The following PPARA variants were observed in gnomAD, a reference collection of about 807,000 sequenced individuals.
PPARA encodes peroxisome proliferator activated receptor alpha.
PPARA carries 22 observed loss-of-function variants against 42.2 expected under a neutral mutation model. The ratio of observed to expected loss-of-function variants is 0.52; its 90% CI spans 0.37 to 0.74. The LOEUF (loss-of-function observed/expected upper bound fraction) is 0.74, where lower values mean the gene tolerates loss of function less well. PPARA is among the 30% of genes least tolerant of loss of function. The pLI is 0.00. For synonymous variants in PPARA, 242 were observed against 239.3 expected (o/e 1.01, Z -0.10); for missense variants, 465 against 608.2 (o/e 0.76, Z 2.48).
intron 2 of PPARA, among the ~76,000 whole-genome samples, chr22:46,175,668 C>T (rs1424142943): frequency 6.6e-6 from 1 of 150,690 alleles, no homozygotes; most frequent in Non-Finnish European, 1.5e-5. Flanking sequence ...GAGCTGAAAT[C>T]ACACCACTGC....
Position 46,193,784 on chromosome 22 carries a change from C to T in PPARA, c.-42-4558C>T, listed in dbSNP as rs1352134312. On this transcript the variant is annotated intron_variant, in intron 3 of 8. Coordinates refer to ENST00000407236, the MANE Select transcript of PPARA (RefSeq NM_005036.6). This position sits in a 1 kb window ranked among gnomAD's most constrained non-coding sequence, Gnocchi z 5.3. ...CTCACCTCTCAGCTTTTGTGAGACT[C>T]TGTCTGTGCTATGAAACTGAAGATC... Among the ~76,000 whole-genome samples, 1 of 152,172 alleles carries T rather than the reference C, an allele frequency of 6.6e-6. No individual in the cohort carries two copies. Among genetic ancestry groups the T allele is most frequent in the Non-Finnish European group, 1.5e-5 (1 of 68,030 alleles).
chr22:46,199,577 G>A lies in PPARA; in HGVS notation c.208+986G>A, dbSNP rs192644365. ...GAGGACCACTTGAGCCCAGGAGCTC[G>A]AGGCTGCCATGAGCTATGACTGCCA... On this transcript the variant is annotated intron_variant, in intron 4 of 8. Coordinates refer to ENST00000407236, the MANE Select transcript of PPARA (RefSeq NM_005036.6). 3.4e-3 allele frequency among the ~76,000 whole-genome samples: 516 copies of A among 152,286 alleles called. 6 individuals carry two copies. Among genetic ancestry groups the A allele is most frequent in the African/African-American group, 0.012 (505 of 41,562 alleles).
rs577169866 is a variant in PPARA, at chr22:46,227,908, C to T, written c.712-3884C>T. Among the ~76,000 whole-genome samples the T allele has an allele frequency of 2.3e-4, 35 of 152,114 alleles. No homozygotes were observed. Among genetic ancestry groups the T allele is most frequent in the African/African-American group, 8.2e-4 (34 of 41,498 alleles). On this transcript the variant is annotated intron_variant, in intron 7 of 8. Transcript: ENST00000407236. The surrounding 1 kb of genome is among the most constrained non-coding windows in gnomAD (Gnocchi z 4.3). ...AAGAATGTTTATCCATAAAGTTTAG[C>T]GAATTTGCAAGTGTGTTTTTCAACA... is the stretch of plus-strand genomic sequence containing the variant.
At chr22:46,158,959 G>A (rs1041785166) in intron 2 of PPARA, among the ~76,000 whole-genome samples, 7 of 152,028 alleles carry the variant, frequency 4.6e-5, no homozygotes, top group African/African-American at 1.4e-4. Flanking sequence ...GCGTGATCTC[G>A]GCTCACTGCA....
intron 4 of PPARA, among the ~76,000 whole-genome samples, chr22:46,214,436 C>T (rs1359717398): frequency 2.0e-5 from 3 of 149,746 alleles, no homozygotes; most frequent in Non-Finnish European, 4.4e-5. Flanking sequence ...ATGTGGAGGG[C>T]TAGGAGATGC....
chr22:46,194,971 C>T (rs1298831142), intron 3 of PPARA, among the ~76,000 whole-genome samples: 4 of 147,174 alleles, frequency 2.7e-5, no homozygotes, highest in South Asian at 2.2e-4. Context: ...TGCATGATCT[C>T]AGCTCACTGC....
rs1013883361 is a variant in PPARA, at chr22:46,216,208, C to T, written c.369+875C>T. On this transcript the variant is annotated intron_variant, in intron 5 of 8. Transcript: ENST00000407236. This position sits in a 1 kb window ranked among gnomAD's most constrained non-coding sequence, Gnocchi z 4.5. The stretch of plus-strand genomic sequence containing the variant: ...GACCAGCCTGGCCAACATGGTGAAA[C>T]CCTGTCTCTACTAAAAATACAAAAA... 1.3e-5 allele frequency among the ~76,000 whole-genome samples: 2 copies of T among 152,056 alleles called. No homozygotes were observed. The highest frequency in any genetic ancestry group is 3.9e-4 in the East Asian group (2 of 5,174).
At chr22:46,209,423 C>T (rs1289482767) in intron 4 of PPARA, among the ~76,000 whole-genome samples, 1 of 152,190 alleles carries the variant, frequency 6.6e-6, no homozygotes, top group Admixed American at 6.5e-5. Flanking sequence ...CGTTCTCTGT[C>T]TACCTTTGAG....
Position 46,235,455 on chromosome 22 carries a change from A to T in PPARA, c.*75A>T. ...ACTACAAAGGAGACGGGGGAGCAGCACGATTTTGCACAAATATCCACCACT... is the reference window on the plus strand; with the variant it reads ...ACTACAAAGGAGACGGGGGAGCAGCTCGATTTTGCACAAATATCCACCACT... On this transcript the variant is annotated 3_prime_UTR_variant, in exon 9 of 9. Coordinates refer to ENST00000407236, the MANE Select transcript of PPARA (RefSeq NM_005036.6). This position sits in a 1 kb window ranked among gnomAD's most constrained non-coding sequence, Gnocchi z 7.0. 1 of 1,563,858 alleles carries T rather than the reference A, an allele frequency of 6.4e-7. No individual in the cohort carries two copies. The highest frequency in any genetic ancestry group is 8.7e-7 in the Non-Finnish European group (1 of 1,152,304).
rs1926264625 is a variant in PPARA at position 46,162,050 on chromosome 22, C to T, written c.-127+10080C>T. 6.6e-6 allele frequency among the ~76,000 whole-genome samples: 1 copy of T among 152,172 alleles called. No homozygotes were observed. Among genetic ancestry groups the T allele is most frequent in the Non-Finnish European group, 1.5e-5 (1 of 68,026 alleles). On this transcript the variant is annotated intron_variant, in intron 2 of 8. Transcript: ENST00000407236. This position sits in a 1 kb window ranked among gnomAD's most constrained non-coding sequence, Gnocchi z 6.0. ...CTTTTCGGTCTCAGTTGCCAGCCTC[C>T]TGCTAGGGCTGGGTGGGGGACATCA... is the stretch of plus-strand genomic sequence containing the variant.
rs1936145504 is a variant in PPARA, at chr22:46,235,284, G to A, written c.1311G>A (p.Val437=). The A allele has an allele frequency of 6.2e-7, 1 of 1,614,098 alleles. No individual in the cohort carries two copies. The change falls in exon 9 of 9, where the codon GTG becomes GTA. Residue 437 remains valine, a synonymous_variant. Coordinates refer to ENST00000407236, the MANE Select transcript of PPARA (RefSeq NM_005036.6). This position sits in a 1 kb window ranked among gnomAD's most constrained non-coding sequence, Gnocchi z 7.0. The part of the protein sequence containing the change: ...LQKMADLRQL[V]TEHAQLVQII... ...AAATGGCAGACCTCCGGCAGCTGGTGACGGAGCATGCGCAGCTGGTGCAGA... is the reference window on the plus strand; with the variant it reads ...AAATGGCAGACCTCCGGCAGCTGGTAACGGAGCATGCGCAGCTGGTGCAGA...
intron 4 of PPARA, among the ~76,000 whole-genome samples, chr22:46,199,368 C>T (rs995444063): frequency 6.6e-6 from 1 of 152,178 alleles, no homozygotes; most frequent in Non-Finnish European, 1.5e-5. Context: ...CGCGGTGGCT[C>T]ACGCCTATAA....
rs1931945680 is a variant in PPARA, at chr22:46,194,390, AG to A, written c.-42-3951del. Among the ~76,000 whole-genome samples, 2 of 152,304 alleles carry A rather than the reference AG, an allele frequency of 1.3e-5. 1 individual carries two copies. The highest frequency in any genetic ancestry group is 4.1e-4 in the South Asian group (2 of 4,822). On this transcript the variant is annotated intron_variant, in intron 3 of 8. Transcript: ENST00000407236. ...TTGAAACTCCCTGAATATAACGACA[AG>A]CAAACTAACATTGTTTTATTGGTCG... is the stretch of plus-strand genomic sequence containing the variant.
rs186102413 is a variant in PPARA at position 46,204,754 on chromosome 22, C to G, written c.208+6163C>G. Among the ~76,000 whole-genome samples the G allele has an allele frequency of 1.6e-4, 25 of 151,844 alleles. No homozygotes were observed. Among genetic ancestry groups the G allele is most frequent in the Non-Finnish European group, 2.8e-4 (19 of 67,996 alleles). On this transcript the variant is annotated intron_variant, in intron 4 of 8. Coordinates refer to ENST00000407236, the MANE Select transcript of PPARA (RefSeq NM_005036.6). This position sits in a 1 kb window ranked among gnomAD's most constrained non-coding sequence, Gnocchi z 5.2. ...GAACACTATTTATATATTTTGAATA[C>G]AAATACTTTATCAGACATGTGATCT...
chr22:46,153,412 G>A (rs952524435), intron 2 of PPARA, among the ~76,000 whole-genome samples: 6 of 151,974 alleles, frequency 3.9e-5, no homozygotes, highest in East Asian at 1.9e-4. Flanking sequence ...CAGGTGAACC[G>A]CCTGCCTTGG....
chr22:46,189,656 G>A (rs1477587933), intron 3 of PPARA, among the ~76,000 whole-genome samples: 20 of 151,030 alleles, frequency 1.3e-4, no homozygotes, highest in Admixed American at 4.0e-4. Context: ...CTTTGTTAGC[G>A]TGTTAATCAT....
chr22:46,181,232 G>A (rs1014284249), intron 3 of PPARA, among the ~76,000 whole-genome samples: 1 of 152,164 alleles, frequency 6.6e-6, no homozygotes, highest in African/African-American at 2.4e-5. Context: ...GGAGCGGGGA[G>A]GTGTGTGAAA....
rs1936036019 is a variant in PPARA at position 46,233,688 on chromosome 22, G to A, written c.1160-1445G>A. Reference sequence around the variant, plus strand: ...TTGCAGAACTATTTATATGTAGCATGATCACAGTTTTATAAAGGAAATTAT... The same window carrying A: ...TTGCAGAACTATTTATATGTAGCATAATCACAGTTTTATAAAGGAAATTAT... On this transcript the variant is annotated intron_variant, in intron 8 of 8. Coordinates refer to ENST00000407236, the MANE Select transcript of PPARA (RefSeq NM_005036.6). The surrounding 1 kb of genome is among the most constrained non-coding windows in gnomAD (Gnocchi z 7.3). Among the ~76,000 whole-genome samples the A allele has an allele frequency of 2.6e-5, 4 of 152,302 alleles. 1 individual carries two copies. The South Asian group carries it at 8.3e-4, about 32-fold the overall frequency.
In PPARA at chr22:46,162,536, G is replaced by A. The variant is rs931246490; in HGVS notation, c.-127+10566G>A. 6.6e-6 allele frequency among the ~76,000 whole-genome samples: 1 copy of A among 152,226 alleles called. No individual in the cohort carries two copies. The highest frequency in any genetic ancestry group is 2.4e-5 in the African/African-American group (1 of 41,462). On this transcript the variant is annotated intron_variant, in intron 2 of 8. Coordinates refer to ENST00000407236, the MANE Select transcript of PPARA (RefSeq NM_005036.6). This position sits in a 1 kb window ranked among gnomAD's most constrained non-coding sequence, Gnocchi z 6.0. ...GGGTTGTATGCTGATGCAGGTACTTGTAACACCTGGTGCTTTTCCTTTCGT... is the reference window on the plus strand; with the variant it reads ...GGGTTGTATGCTGATGCAGGTACTTATAACACCTGGTGCTTTTCCTTTCGT...
Sources: allele counts gnomAD v4.1 joint callset (sites outside exome capture counted in the v4.1 genomes callset), GRCh38; gene constraint gnomAD v4.1.1; non-coding constraint Gnocchi (gnomAD v3.1); transcripts MANE v1.5; gene names NCBI Gene and HGNC (gene_info 2026-07-23, HGNC 2026-07-21).